The following GABRA3 variants were observed in gnomAD, a reference collection of about 807,000 sequenced individuals.
The protein encoded by GABRA3 is gamma-aminobutyric acid type A receptor subunit alpha3.
A neutral mutation model predicts 30.1 loss-of-function variants in GABRA3; 10 were observed. That is an observed-to-expected ratio of 0.33 (90% CI 0.20 to 0.56). GABRA3 has a LOEUF of 0.56. Among genes scored for constraint, GABRA3 ranks in the 20% least tolerant of loss-of-function variants. GABRA3 has a pLI of 0.89. For synonymous variants in GABRA3, 151 were observed against 146.8 expected, an observed-to-expected ratio of 1.03 and a Z score of -0.21; for missense variants, 233 against 392.0, an observed-to-expected ratio of 0.59 and a Z score of 3.42.
At chrX:152,202,962 A>C (rs1177354052) in intron 7 of GABRA3, among the ~76,000 whole-genome samples, 1 of 112,126 alleles carries the variant, frequency 8.9e-6, no homozygotes, top group East Asian at 2.8e-4. Flanking sequence ...AAAGAAAACA[A>C]CAGGAAAGAA....
At chrX:152,447,226 T>C (rs1931110572) in intron 1 of GABRA3, among the ~76,000 whole-genome samples, 1 of 111,697 alleles carries the variant, frequency 9.0e-6, no homozygotes, top group Non-Finnish European at 1.9e-5. Flanking sequence ...TAACCTTATA[T>C]TGAATAGATT....
intron 9 of GABRA3, among the ~76,000 whole-genome samples, chrX:152,176,946 G>C (rs1301070555): frequency 8.9e-6 from 1 of 111,802 alleles, no homozygotes; most frequent in South Asian, 3.7e-4. Context: ...CTAACGTTTA[G>C]TGCTGGAAAG....
At chrX:152,433,538 TA>T (rs763368578) in intron 1 of GABRA3, among the ~76,000 whole-genome samples, 11 of 108,953 alleles carry the variant, frequency 1.0e-4, no homozygotes, top group Admixed American at 2.0e-4. Context: ...AAAGTGCAGA[TA>T]GGGGTAGTTA....
intron 9 of GABRA3, among the ~76,000 whole-genome samples, chrX:152,169,592 G>A (rs746758926): frequency 4.5e-5 from 5 of 111,799 alleles, no homozygotes; most frequent in African/African-American, 1.6e-4. Context: ...GAACAGGAGA[G>A]GCCAGGGAAG....
chrX:152,445,422 A>C (rs1016736607), intron 1 of GABRA3, among the ~76,000 whole-genome samples: 3 of 111,144 alleles, frequency 2.7e-5, no homozygotes, highest in African/African-American at 9.8e-5. Context: ...AATACCACCT[A>C]ATATCCAACT....
chrX:152,214,999 CAT>C (rs1169055590), intron 6 of GABRA3, among the ~76,000 whole-genome samples: 2 of 105,539 alleles, frequency 1.9e-5, no homozygotes, highest in Middle Eastern at 8.8e-3. Context: ...CACACACACA[CAT>C]ATATATATAC....
intron 1 of GABRA3, among the ~76,000 whole-genome samples, chrX:152,365,124 CT>C (rs1928620038): frequency 1.8e-5 from 2 of 111,345 alleles, no homozygotes; most frequent in Admixed American, 1.9e-4. Context: ...GACCTGGAGT[CT>C]TTTTATAGCA....
At chrX:152,445,060 CAAAAAAA>C (rs1204814043) in intron 1 of GABRA3, among the ~76,000 whole-genome samples, 931 of 18,624 alleles carry the variant, frequency 0.05, 14 homozygotes, top group Middle Eastern at 0.29. Flanking sequence ...GACTCCGTCT[CAAAAAAA>C]AAAAAAAAAA....
At chrX:152,395,189 G>A (rs144591430) in intron 1 of GABRA3, among the ~76,000 whole-genome samples, 1 of 110,884 alleles carries the variant, frequency 9.0e-6, no homozygotes, top group African/African-American at 3.3e-5. Flanking sequence ...TTTGTGTTTG[G>A]GCATGATATA....
intron 3 of GABRA3, among the ~76,000 whole-genome samples, chrX:152,331,993 T>C (rs1339679713): frequency 8.9e-6 from 1 of 112,280 alleles, no homozygotes; most frequent in Non-Finnish European, 1.9e-5. Flanking sequence ...GTTGGTGTGT[T>C]ACACTACCAC....
In GABRA3 at chrX:152,389,519, C is replaced by T. The variant is rs184201954; in HGVS notation, c.-26-24923G>A. On this transcript the variant is annotated intron_variant, in intron 1 of 9. Coordinates refer to ENST00000370314, the MANE Select transcript of GABRA3 (RefSeq NM_000808.4). ...CACTACTAGAGGCTGAGGATTTGAC[C>T]GTGATGCATAATCAGATGACAGCAG... The T allele has an allele frequency of 1.6e-3, 180 of 111,198 alleles. 1 individual carries two copies. The highest frequency in any genetic ancestry group is 5.7e-3 in the African/African-American group (173 of 30,607). 9.2% of individuals were successfully genotyped at this position (111,198 alleles called of 1,213,427 possible).
At chrX:152,318,020 CA>C (rs752672005) in intron 3 of GABRA3, among the ~76,000 whole-genome samples, 202 of 111,039 alleles carry the variant, frequency 1.8e-3, no homozygotes, top group African/African-American at 6.1e-3. Context: ...ATAAATGAAA[CA>C]AAAAGCCTGT....
At chrX:152,226,868 A>G (rs1212500766) in intron 5 of GABRA3, among the ~76,000 whole-genome samples, 3 of 112,038 alleles carry the variant, frequency 2.7e-5, no homozygotes, top group Non-Finnish European at 5.6e-5. Flanking sequence ...GCAATCATTA[A>G]AAAGTCAGGA....
intron 3 of GABRA3, among the ~76,000 whole-genome samples, chrX:152,344,921 A>G (rs1193380000): frequency 8.9e-6 from 1 of 112,014 alleles, no homozygotes; most frequent in Admixed American, 9.6e-5. Context: ...CAGATTACAA[A>G]AGAGCATTAG....
chrX:152,304,083 T>G (rs1034397980), intron 3 of GABRA3, among the ~76,000 whole-genome samples: 5 of 112,160 alleles, frequency 4.5e-5, no homozygotes, highest in Non-Finnish European at 7.5e-5. Context: ...TTTTCATTTG[T>G]TTTTTGGATG....
intron 4 of GABRA3, among the ~76,000 whole-genome samples, chrX:152,277,801 G>A (rs1939115312): frequency 8.9e-6 from 1 of 112,063 alleles, no homozygotes; most frequent in Non-Finnish European, 1.9e-5. Context: ...GGGCAGAGAT[G>A]ACACTTAGTT....
chrX:152,267,558 T>C (rs78255495), intron 4 of GABRA3, among the ~76,000 whole-genome samples: 2,198 of 111,363 alleles, frequency 0.02, 39 homozygotes, highest in East Asian at 0.064. Context: ...TCTCTTTAAG[T>C]TTTTGAAGAG....
At chrX:152,335,353 C>T (rs1271685894) in intron 3 of GABRA3, among the ~76,000 whole-genome samples, 2 of 111,768 alleles carry the variant, frequency 1.8e-5, no homozygotes, top group Non-Finnish European at 3.8e-5. Context: ...TCAGATCGTT[C>T]CCCAAAGGAA....
At chrX:152,202,513 A>G (rs1603207876) in intron 7 of GABRA3, among the ~76,000 whole-genome samples, 2 of 111,422 alleles carry the variant, frequency 1.8e-5, no homozygotes, top group Admixed American at 9.6e-5. Flanking sequence ...GTGTGTGTGT[A>G]TATATACACA....
Sources: allele counts gnomAD v4.1 joint callset (sites outside exome capture counted in the v4.1 genomes callset), GRCh38; gene constraint gnomAD v4.1.1; transcripts MANE v1.5; gene names NCBI Gene and HGNC (gene_info 2026-07-23, HGNC 2026-07-21).